Variants in PHACTR1 observed in about 807,000 individuals in gnomAD.
PHACTR1 encodes phosphatase and actin regulator 1.
PHACTR1 carries 16 observed loss-of-function variants against 69.2 expected under a neutral mutation model. That is an observed-to-expected ratio of 0.23 (90% CI 0.16 to 0.35). The LOEUF (loss-of-function observed/expected upper bound fraction) is 0.35, where lower values mean the gene tolerates loss of function less well. Among genes scored for constraint, PHACTR1 ranks in the 10% least tolerant of loss-of-function variants. The pLI is 1.00. For synonymous variants in PHACTR1, 312 were observed against 284.5 expected, an observed-to-expected ratio of 1.10 and a Z score of -0.97; for missense variants, 510 against 734.7, an observed-to-expected ratio of 0.69 and a Z score of 3.54.
intron 4 of PHACTR1, among the ~76,000 whole-genome samples, chr6:12,976,271 G>A (rs576040112): frequency 1.3e-5 from 2 of 152,294 alleles, no homozygotes; most frequent in South Asian, 4.1e-4. Flanking sequence ...TCAAGTATAG[G>A]TTTAACTCCT....
intron 4 of PHACTR1, among the ~76,000 whole-genome samples, chr6:12,812,751 T>C (rs1775166969): frequency 6.6e-6 from 1 of 152,236 alleles, no homozygotes; most frequent in South Asian, 2.1e-4. Context: ...TTGCTCGTGG[T>C]TTCCTGTGTT....
intron 4 of PHACTR1, among the ~76,000 whole-genome samples, chr6:12,840,776 G>A (rs927823448): frequency 2.0e-5 from 3 of 152,234 alleles, no homozygotes; most frequent in Non-Finnish European, 4.4e-5. Flanking sequence ...TTCAAAGGTA[G>A]TGACCATTTT....
chr6:13,018,410 T>C (rs1439294673), intron 4 of PHACTR1, among the ~76,000 whole-genome samples: 25 of 152,152 alleles, frequency 1.6e-4, no homozygotes, highest in Non-Finnish European at 3.4e-4. Context: ...TTTGGGAATA[T>C]TACTATATTA....
chr6:12,953,231 G>A (rs1366474778), intron 4 of PHACTR1, among the ~76,000 whole-genome samples: 2 of 152,184 alleles, frequency 1.3e-5, no homozygotes, highest in Non-Finnish European at 1.5e-5. Context: ...GCTGCGGCAG[G>A]AGAATCTCTT....
At chr6:13,217,779 C>T (rs558116976) in intron 8 of PHACTR1, among the ~76,000 whole-genome samples, 1 of 152,276 alleles carries the variant, frequency 6.6e-6, no homozygotes, top group African/African-American at 2.4e-5. Context: ...CATGATAAAC[C>T]ACACAATGTA....
At chr6:13,049,175 G>A (rs1463752037) in intron 4 of PHACTR1, among the ~76,000 whole-genome samples, 1 of 151,992 alleles carries the variant, frequency 6.6e-6, no homozygotes, top group African/African-American at 2.4e-5. Context: ...TTATTTTAAT[G>A]GGGCAATTTC....
At chr6:12,943,119 A>G (rs1225875534) in intron 4 of PHACTR1, among the ~76,000 whole-genome samples, 1 of 152,210 alleles carries the variant, frequency 6.6e-6, no homozygotes, top group Non-Finnish European at 1.5e-5. Context: ...ACACCCACAA[A>G]TGTTCATCAA....
At chr6:13,133,907 C>T (rs532559864) in intron 5 of PHACTR1, among the ~76,000 whole-genome samples, 73 of 151,406 alleles carry the variant, frequency 4.8e-4, no homozygotes, top group African/African-American at 1.4e-3. Context: ...TCTGCCCGGC[C>T]GCCCATCGTC....
At chr6:13,115,956 G>C (rs1817755424) in intron 5 of PHACTR1, among the ~76,000 whole-genome samples, 1 of 152,194 alleles carries the variant, frequency 6.6e-6, no homozygotes, top group Non-Finnish European at 1.5e-5. Context: ...CAGATGACTA[G>C]AGAAAGATGT....
chr6:12,765,362 A>G (rs543119451), intron 4 of PHACTR1, among the ~76,000 whole-genome samples: 93 of 152,336 alleles, frequency 6.1e-4, no homozygotes, highest in Middle Eastern at 3.4e-3. Context: ...TTCCGAGGCA[A>G]GGGACAACAT....
intron 4 of PHACTR1, among the ~76,000 whole-genome samples, chr6:12,924,755 A>G (rs1161473109): frequency 6.7e-6 from 1 of 149,602 alleles, no homozygotes; most frequent in Non-Finnish European, 1.5e-5. Context: ...AGCCTGGGCG[A>G]CAGAGCGAGA....
chr6:12,948,704 A>T (rs919077062), intron 4 of PHACTR1, among the ~76,000 whole-genome samples: 3 of 152,212 alleles, frequency 2.0e-5, no homozygotes, highest in Admixed American at 6.5e-5. Flanking sequence ...CTCTAGGAAG[A>T]GGTAATTGAG....
At chr6:13,049,741 T>TA (rs1425834282) in intron 4 of PHACTR1, among the ~76,000 whole-genome samples, 8 of 152,112 alleles carry the variant, frequency 5.3e-5, no homozygotes, top group Non-Finnish European at 7.4e-5. Flanking sequence ...TGTTTTAATA[T>TA]AAAAAATAGG....
chr6:12,752,631 TTAAAC>T (rs545325785), intron 4 of PHACTR1, among the ~76,000 whole-genome samples: 6 of 152,356 alleles, frequency 3.9e-5, no homozygotes, highest in African/African-American at 1.2e-4. Context: ...CACTAAATCA[TTAAAC>T]TAATCGTCCA....
chr6:13,283,548 A>T lies in PHACTR1; in HGVS notation c.1636A>T (p.Thr546Ser), dbSNP rs752803290. 8.7e-6 allele frequency: 14 copies of T among 1,613,712 alleles called. No homozygotes were observed. The highest frequency in any genetic ancestry group is 1.2e-5 in the Non-Finnish European group (14 of 1,179,872). The stretch of plus-strand genomic sequence containing the variant: ...GGCAGATAAGCCGTGGACCCGCCTC[A>T]CCGCTGCAGACAAAGTAAGCAGAGG... The part of the protein sequence containing the change: ...RRADKPWTRL[T>S]AADKAAIRKE... The change falls in exon 13 of 15, where the codon ACC becomes TCC. Residue 546 changes from threonine to serine, a missense_variant. Physicochemically the swap from Thr to Ser is moderately conservative, Grantham distance 58. Transcript: ENST00000332995. The surrounding 1 kb of genome is among the most constrained non-coding windows in gnomAD (Gnocchi z 4.7).
intron 5 of PHACTR1, among the ~76,000 whole-genome samples, chr6:13,122,700 CT>C (rs1470897402): frequency 6.6e-6 from 1 of 152,152 alleles, no homozygotes; most frequent in Admixed American, 6.6e-5. Context: ...GAGAATTCAA[CT>C]TTTGGAAATT....
At chr6:13,072,479 A>ACTTGTTT (rs1554121041) in intron 5 of PHACTR1, among the ~76,000 whole-genome samples, 1 of 151,212 alleles carries the variant, frequency 6.6e-6, no homozygotes, top group Non-Finnish European at 1.5e-5. Context: ...ATTTATACAT[A>ACTTGTTT]CTTGCTTTCA....
intron 3 of PHACTR1, among the ~76,000 whole-genome samples, chr6:12,732,374 A>C (rs1180366989): frequency 6.6e-6 from 1 of 151,962 alleles, no homozygotes; most frequent in East Asian, 1.9e-4. Context: ...TTCTTCTAAA[A>C]AATGGGGTAC....
At chr6:12,847,308 G>A (rs974701932) in intron 4 of PHACTR1, among the ~76,000 whole-genome samples, 3 of 152,122 alleles carry the variant, frequency 2.0e-5, no homozygotes, top group African/African-American at 7.2e-5. Flanking sequence ...TAGGTAGATA[G>A]ATACGGATAA....
Sources: gnomAD v4.1 joint callset for allele counts (sites outside exome capture counted in the v4.1 genomes callset) on GRCh38, gnomAD v4.1.1 for gene constraint, Gnocchi (gnomAD v3.1) non-coding constraint, MANE v1.5 for transcripts, NCBI Gene and HGNC (gene_info 2026-07-23, HGNC 2026-07-21) for gene names.